RIPOR2: variants seen among roughly 807,000 people sequenced by gnomAD.
RIPOR2 encodes rho family-interacting cell polarization regulator 2.
In RIPOR2, 39 loss-of-function variants were observed where a neutral mutation model predicts 114.5. The observed-to-expected ratio is 0.34, with a 90% confidence interval of 0.26 to 0.44. The LOEUF (loss-of-function observed/expected upper bound fraction) is 0.44. RIPOR2 is among the 20% of genes least tolerant of loss of function. RIPOR2 has a pLI of 1.00. For synonymous variants in RIPOR2, 445 were observed against 484.4 expected, an observed-to-expected ratio of 0.92 and a Z score of 1.07; for missense variants, 1,007 against 1,255.1, an observed-to-expected ratio of 0.80 and a Z score of 2.99.
chr6:24,917,301 A>C (rs536300790), intron 1 of RIPOR2, among the ~76,000 whole-genome samples: 82 of 152,234 alleles, frequency 5.4e-4, no homozygotes, highest in Non-Finnish European at 9.7e-4. Flanking sequence ...TTTGAGAATC[A>C]GTGATCTAGA....
intron 13 of RIPOR2, chr6:24,840,680 T>C: frequency 6.5e-7 from 1 of 1,534,684 alleles, no homozygotes; most frequent in African/African-American, 1.4e-5. Context: ...AAAACGTCTT[T>C]CGGTCTTTTA....
At chr6:24,960,508 A>G (rs1773253864) in intron 1 of RIPOR2, among the ~76,000 whole-genome samples, 1 of 152,100 alleles carries the variant, frequency 6.6e-6, no homozygotes, top group Non-Finnish European at 1.5e-5. Flanking sequence ...TTGAGCTTCA[A>G]CATAAGTTTT....
intron 1 of RIPOR2, among the ~76,000 whole-genome samples, chr6:25,034,553 C>T (rs903580192): frequency 2.6e-5 from 4 of 152,092 alleles, no homozygotes; most frequent in South Asian, 2.1e-4. Context: ...TTTCTGTTAC[C>T]AACCAGAGAC....
intron 19 of RIPOR2, among the ~76,000 whole-genome samples, chr6:24,824,046 C>T (rs553895262): frequency 7.9e-5 from 12 of 152,162 alleles, no homozygotes; most frequent in East Asian, 1.9e-4. Context: ...TGTGAGCCAC[C>T]GCGCCTGGGC....
At chr6:24,850,447 T>C in intron 10 of RIPOR2, 150 bp downstream of exon 10, 3 of 787,318 alleles carry the variant, frequency 3.8e-6, no homozygotes, top group Non-Finnish European at 6.2e-6. Context: ...TTACTTACTC[T>C]GATGAGAGGG....
At position 24,846,300 on chromosome 6, in the gene RIPOR2, C is replaced by CTTTTTTTTTTTTTTTTTTTTTT. The variant is rs1562253042; in HGVS notation, c.1164+1724_1164+1725insAAAAAAAAAAAAAAAAAAAAAA. Among the ~76,000 whole-genome samples, 2 of 111,320 alleles carry CTTTTTTTTTTTTTTTTTTTTTT rather than the reference C, an allele frequency of 1.8e-5. 1 individual carries two copies. 73.0% of individuals were successfully genotyped at this position (111,320 alleles called of 152,430 possible). A position where few individuals can be genotyped will look rare whatever the true frequency, so the allele number is the denominator to read the frequency against. On this transcript the variant is annotated intron_variant, in intron 12 of 21. Transcript: ENST00000643898. ...AGTTTAGCCTGGTCCTTTTCACCTGCCTTTTTTTTTTTTTTTTTTTTTTTG... is the reference window on the plus strand; with the variant it reads ...AGTTTAGCCTGGTCCTTTTCACCTGCTTTTTTTTTTTTTTTTTTTTTTCTTTTTTTTTTTTTTTTTTTTTTTG...
intron 1 of RIPOR2, among the ~76,000 whole-genome samples, chr6:24,894,777 G>T (rs757941327): frequency 6.6e-6 from 1 of 152,138 alleles, no homozygotes; most frequent in Non-Finnish European, 1.5e-5. Context: ...GTTTCAACAA[G>T]AATAAATGGA....
upstream of RIPOR2, among the ~76,000 whole-genome samples, chr6:24,938,097 C>A (rs1280985988): frequency 6.6e-6 from 1 of 152,110 alleles, no homozygotes; most frequent in Non-Finnish European, 1.5e-5. Flanking sequence ...CAGAATGTGA[C>A]CTTACTTAGA....
At chr6:24,983,103 C>G (rs1310085911) in intron 1 of RIPOR2, among the ~76,000 whole-genome samples, 1 of 151,968 alleles carries the variant, frequency 6.6e-6, no homozygotes. Context: ...AATCTATGCT[C>G]CTGGGTTGTT....
chr6:24,991,929 T>C (rs1464713569), intron 1 of RIPOR2, among the ~76,000 whole-genome samples: 3 of 152,152 alleles, frequency 2.0e-5, no homozygotes, highest in Non-Finnish European at 4.4e-5. Flanking sequence ...ATTTCTGAGA[T>C]AAGAGAGCTC....
chr6:25,030,109 TCCTCCTACCTCTG>T (rs1776850409), intron 1 of RIPOR2, among the ~76,000 whole-genome samples: 1 of 152,004 alleles, frequency 6.6e-6, no homozygotes, highest in Non-Finnish European at 1.5e-5. Flanking sequence ...TTCTTCTGTA[TCCTCCTACCTCTG>T]CTTGTCTGTG....
chr6:24,936,198 T>C (rs1465236867), upstream of RIPOR2: 4 of 275,836 alleles, frequency 1.5e-5, no homozygotes, highest in African/African-American at 2.2e-5. Context: ...ATGAATTCTA[T>C]TTCAAAGCAA....
intron 1 of RIPOR2, among the ~76,000 whole-genome samples, chr6:25,005,849 T>C (rs534914428): frequency 2.0e-5 from 3 of 151,054 alleles, no homozygotes; most frequent in East Asian, 2.0e-4. Flanking sequence ...CCTCCTACAA[T>C]AGTGCTCTCC....
intron 15 of RIPOR2, among the ~76,000 whole-genome samples, chr6:24,834,184 A>G (rs1187303436): frequency 1.3e-5 from 2 of 152,234 alleles, no homozygotes; most frequent in African/African-American, 4.8e-5. Context: ...GAAGAGTTCA[A>G]CTAAGTGTTG....
chr6:24,945,527 C>T lies in RIPOR2; in HGVS notation c.77-69710G>A, dbSNP rs186978469. Among the ~76,000 whole-genome samples the T allele has an allele frequency of 8.4e-4, 127 of 152,048 alleles. 1 individual carries two copies. In the South Asian group the frequency reaches 0.019, roughly 23 times the overall value. ...CCTCATCTGATTTAAAAGACAATTG[C>T]GTAAAACAATAATTATACATCTGTG... is the stretch of plus-strand genomic sequence containing the variant. On this transcript the variant is annotated intron_variant, in intron 1 of 13. Coordinates refer to the RIPOR2 transcript ENST00000510784.
intron 1 of RIPOR2, among the ~76,000 whole-genome samples, chr6:25,029,361 C>T (rs1370552473): frequency 8.2e-5 from 12 of 146,386 alleles, no homozygotes; most frequent in Non-Finnish European, 4.5e-5. Context: ...GCCGAGATCG[C>T]GCCGCTGCAC....
At position 25,033,955 on chromosome 6, in the gene RIPOR2, TG is replaced by T. The variant is rs1777119988; in HGVS notation, c.76+7895del. On this transcript the variant is annotated intron_variant, in intron 1 of 13. Transcript: ENST00000510784. Reference sequence around the variant, plus strand: ...TTCTTTTCTTTTTCTTCCATGTAGTTGTGCTATTCATTTGAAATACAGTTCA... The same window carrying T: ...TTCTTTTCTTTTTCTTCCATGTAGTTTGCTATTCATTTGAAATACAGTTCA... 2.0e-5 allele frequency among the ~76,000 whole-genome samples: 3 copies of T among 152,126 alleles called. No homozygotes were observed. In the South Asian group the frequency reaches 6.2e-4, roughly 31 times the overall value.
intron 1 of RIPOR2, among the ~76,000 whole-genome samples, chr6:25,027,487 G>T (rs959486953): frequency 4.6e-5 from 7 of 152,206 alleles, no homozygotes; most frequent in Admixed American, 6.5e-5. Context: ...TTTCACGCAC[G>T]GCACAGAAGG....
At chr6:25,005,543 T>C (rs2113661218) in intron 1 of RIPOR2, among the ~76,000 whole-genome samples, 1 of 151,374 alleles carries the variant, frequency 6.6e-6, no homozygotes, top group East Asian at 1.9e-4. Flanking sequence ...CTCATCTTAG[T>C]CAATGAAAAA....
Sources: allele counts gnomAD v4.1 joint callset (sites outside exome capture counted in the v4.1 genomes callset), GRCh38; gene constraint gnomAD v4.1.1; transcripts MANE v1.5; gene names NCBI Gene and HGNC (gene_info 2026-07-23, HGNC 2026-07-21).